Variants in RNF185 observed in about 807,000 individuals in gnomAD.
The protein encoded by RNF185 is E3 ubiquitin-protein ligase RNF185.
Under a neutral mutation model 24.9 loss-of-function variants are expected in RNF185, and 13 were observed. That is an observed-to-expected ratio of 0.52 (90% CI 0.34 to 0.83). The LOEUF is 0.83. Ranked by LOEUF, RNF185 falls within the 40% of genes least tolerant of loss-of-function variation. RNF185 has a pLI of 0.01. For missense variants in RNF185, 184 were observed against 244.7 expected (o/e 0.75, Z 1.65); for synonymous variants, 79 against 90.3 (o/e 0.88, Z 0.71).
At chr22:31,167,448 A>G (rs778827036) in intron 1 of RNF185, among the ~76,000 whole-genome samples, 66 of 152,172 alleles carry the variant, frequency 4.3e-4, no homozygotes, top group Admixed American at 3.9e-3. Flanking sequence ...AACTCTACCC[A>G]TGAAGCAATA....
At chr22:31,198,030 A>G (rs1239050259) in intron 5 of RNF185, among the ~76,000 whole-genome samples, 16 of 152,366 alleles carry the variant, frequency 1.1e-4, no homozygotes, top group Non-Finnish European at 2.4e-4. Flanking sequence ...TAAAATGTTA[A>G]AGAAATTTTA....
chr22:31,160,567 C>G (rs1239257790), intron 1 of RNF185, among the ~76,000 whole-genome samples: 1 of 152,192 alleles, frequency 6.6e-6, no homozygotes, highest in East Asian at 1.9e-4. Context: ...GGCACTGATT[C>G]CCATTCTATC....
chr22:31,191,011 T>C (rs759502171), intron 2 of RNF185, among the ~76,000 whole-genome samples: 1 of 152,268 alleles, frequency 6.6e-6, no homozygotes, highest in Non-Finnish European at 1.5e-5. Context: ...GGCTATACTA[T>C]GTAGCCTAGG....
At chr22:31,186,981 T>C in intron 1 of RNF185, 66 bp from the exon 2 acceptor site, 1 of 1,105,578 alleles carries the variant, frequency 9.0e-7, no homozygotes, top group Non-Finnish European at 1.3e-6. Flanking sequence ...AAGACAGGAA[T>C]GTTGGCATGG....
At chr22:31,177,654 G>C (rs1431191914) in intron 1 of RNF185, among the ~76,000 whole-genome samples, 1 of 152,180 alleles carries the variant, frequency 6.6e-6, no homozygotes, top group Non-Finnish European at 1.5e-5. Flanking sequence ...AGGCATGCCA[G>C]GGTTCCTGGC....
intron 3 of RNF185, among the ~76,000 whole-genome samples, chr22:31,193,588 G>C (rs1182332382): frequency 6.6e-6 from 1 of 152,144 alleles, no homozygotes; most frequent in Non-Finnish European, 1.5e-5. Flanking sequence ...GAGGCAAGGA[G>C]TTTGAGAACA....
rs1344742949 is a variant in RNF185, at chr22:31,205,989, A to G, written c.*1403A>G. 1 of 154,462 alleles carries G rather than the reference A, an allele frequency of 6.5e-6. No individual in the cohort carries two copies. Among genetic ancestry groups the G allele is most frequent in the Admixed American group, 6.5e-5 (1 of 15,282 alleles). 9.6% of individuals were successfully genotyped at this position (154,462 alleles called of 1,614,324 possible). On this transcript the variant is annotated 3_prime_UTR_variant, in exon 7 of 7. Coordinates refer to ENST00000326132, the MANE Select transcript of RNF185 (RefSeq NM_152267.4). ...CTGCCTTCTAGGCTTCATCCCAGAA[A>G]TCCAGCCTCTTTCTGGAGACCCCAA... is the stretch of plus-strand genomic sequence containing the variant.
intron 4 of RNF185, 124 bp from the exon 5 acceptor site, chr22:31,196,812 A>G: frequency 8.0e-7 from 1 of 1,256,852 alleles, no homozygotes; most frequent in Non-Finnish European, 1.1e-6. Context: ...ATCTGGCATA[A>G]GTTCATGTCC....
chr22:31,189,695 TCC>T (rs892941217), intron 2 of RNF185, among the ~76,000 whole-genome samples: 8 of 151,218 alleles, frequency 5.3e-5, no homozygotes, highest in South Asian at 2.1e-4. Context: ...AATCTCTGCC[TCC>T]CAAGTTCAAG....
intron 2 of RNF185, 69 bp downstream of exon 2, chr22:31,187,339 T>G (rs2048110143): frequency 1.3e-6 from 2 of 1,561,130 alleles, no homozygotes; most frequent in Non-Finnish European, 1.8e-6. Context: ...CCTGGGTGGT[T>G]TGGAGCAGAA....
At position 31,182,868 on chromosome 22, in the gene RNF185, C is replaced by T. The variant is rs370642256; in HGVS notation, c.-48-4179C>T. ...TTCATGGAGTCGTTTAATACTTGCA[C>T]CTATCCTCCATATTTTCTGTAAATA... is the stretch of plus-strand genomic sequence containing the variant. On this transcript the variant is annotated intron_variant, in intron 1 of 6. Coordinates refer to ENST00000326132, the MANE Select transcript of RNF185 (RefSeq NM_152267.4). 3 of 151,128 alleles carry T rather than the reference C, an allele frequency of 2.0e-5. No individual in the cohort carries two copies. The South Asian group carries it at 6.3e-4, about 32-fold the overall frequency. 9.4% of individuals were successfully genotyped at this position (151,128 alleles called of 1,614,324 possible). A position where few individuals can be genotyped will look rare whatever the true frequency, so the allele number is the denominator to read the frequency against.
In RNF185 at chr22:31,199,907, A is replaced by G. The variant is rs888878166; in HGVS notation, c.364-1591A>G. 2.0e-5 allele frequency among the ~76,000 whole-genome samples: 3 copies of G among 152,242 alleles called. No homozygotes were observed. The East Asian group carries it at 5.8e-4, about 29-fold the overall frequency. On this transcript the variant is annotated intron_variant, in intron 5 of 6. Transcript: ENST00000326132. ...GAGAGCAGCTATTTTTGTGACTTGCAAAAAACTCATAAATGAAGGCCATTG... is the reference window on the plus strand; with the variant it reads ...GAGAGCAGCTATTTTTGTGACTTGCGAAAAACTCATAAATGAAGGCCATTG...
chr22:31,205,113 C>T lies in RNF185; in HGVS notation c.*527C>T, dbSNP rs2048302631. On this transcript the variant is annotated 3_prime_UTR_variant, in exon 7 of 7. Transcript: ENST00000326132. ...TTCCCCTCCCACTCCCCCTCTTCTT[C>T]CTCTGTAGAGATGCAAGAAATTGCT... 1 of 175,172 alleles carries T rather than the reference C, an allele frequency of 5.7e-6. No homozygotes were observed. The highest frequency in any genetic ancestry group is 2.4e-5 in the African/African-American group (1 of 41,542). The allele number at this position is 175,172 out of a possible 1,614,324, so 10.9% of individuals were successfully genotyped here.
At position 31,205,693 on chromosome 22, in the gene RNF185, T is replaced by C. The variant is rs1192964131; in HGVS notation, c.*1107T>C. The C allele has an allele frequency of 6.6e-6, 1 of 152,206 alleles. No homozygotes were observed. The highest frequency in any genetic ancestry group is 1.9e-4 in the East Asian group (1 of 5,196). The allele number at this position is 152,206 out of a possible 1,614,324, so 9.4% of individuals were successfully genotyped here. A position where few individuals can be genotyped will look rare whatever the true frequency, so the allele number is the denominator to read the frequency against. ...TTTGGTATGGCTTGATAGAGTTCCC[T>C]GAAAACTCCTTGTATGTGTGCTAAA... On this transcript the variant is annotated 3_prime_UTR_variant, in exon 7 of 7. Transcript: ENST00000326132.
At position 31,187,029 on chromosome 22, in the gene RNF185, G is replaced by C. The variant is rs1163772781; in HGVS notation, c.-48-18G>C. 6.6e-7 allele frequency: 1 copy of C among 1,521,322 alleles called. No homozygotes were observed. The highest frequency in any genetic ancestry group is 1.2e-5 in the South Asian group (1 of 80,490). 94.2% of individuals were successfully genotyped at this position (1,521,322 alleles called of 1,614,324 possible). A position where few individuals can be genotyped will look rare whatever the true frequency, so the allele number is the denominator to read the frequency against. ...GAGGGCTGCAGAAATGGACAGTCAAGAGTTCTCTGCCTTTTAGGATTTCCC... is the reference window on the plus strand; with the variant it reads ...GAGGGCTGCAGAAATGGACAGTCAACAGTTCTCTGCCTTTTAGGATTTCCC... On this transcript the variant is annotated intron_variant, in intron 1 of 6. Transcript: ENST00000326132.
chr22:31,162,646 G>A (rs1923650239), intron 1 of RNF185, among the ~76,000 whole-genome samples: 1 of 147,642 alleles, frequency 6.8e-6, no homozygotes, highest in African/African-American at 2.5e-5. Context: ...TGAAGCACAC[G>A]TTAGCAAATT....
At chr22:31,169,030 C>T (rs1568959341) in intron 1 of RNF185, among the ~76,000 whole-genome samples, 1 of 152,126 alleles carries the variant, frequency 6.6e-6, no homozygotes, top group South Asian at 2.1e-4. Context: ...GCCTCAGCCT[C>T]GCACGTAGCT....
intron 1 of RNF185, among the ~76,000 whole-genome samples, chr22:31,172,463 A>G (rs1286197940): frequency 4.6e-5 from 7 of 151,694 alleles, no homozygotes; most frequent in Non-Finnish European, 8.8e-5. Flanking sequence ...TAAAATAACA[A>G]CAAGGCTGGG....
intron 1 of RNF185, among the ~76,000 whole-genome samples, chr22:31,167,044 T>G (rs1261989544): frequency 6.6e-6 from 1 of 152,242 alleles, no homozygotes; most frequent in East Asian, 1.9e-4. Flanking sequence ...ATGTGTATAA[T>G]AAGTACTTGG....
Sources: allele counts gnomAD v4.1 joint callset (sites outside exome capture counted in the v4.1 genomes callset), GRCh38; gene constraint gnomAD v4.1.1; transcripts MANE v1.5; gene names NCBI Gene and HGNC (gene_info 2026-07-23, HGNC 2026-07-21).